Variants in CAPN6 observed in about 807,000 individuals in gnomAD.
CAPN6 encodes the protein calpain 6.
CAPN6 carries 16 observed loss-of-function variants against 46.0 expected under a neutral mutation model. The observed-to-expected ratio is 0.35, with a 90% CI of 0.24 to 0.53. CAPN6 has a LOEUF of 0.53. Ranked by LOEUF, CAPN6 falls within the 20% of genes least tolerant of loss-of-function variation. The pLI, the probability that CAPN6 is intolerant of heterozygous loss-of-function variation, is 0.94. For missense variants in CAPN6, 461 were observed against 498.0 expected (o/e 0.93, Z 0.71); for synonymous variants, 206 against 172.8 (o/e 1.19, Z -1.51).
chrX:111,247,577 G>A (rs931522145), intron 11 of CAPN6, 73 bp from the exon 12 acceptor site: 175 of 1,056,582 alleles, frequency 1.7e-4, no homozygotes, highest in Non-Finnish European at 1.2e-4. Flanking sequence ...AAGGTATCTC[G>A]CTAAGCCAAT....
chrX:111,248,456 G>A, intron 10 of CAPN6, 113 bp downstream of exon 10: 1 of 568,858 alleles, frequency 1.8e-6, no homozygotes. Context: ...AATCAAGTCT[G>A]ATTTAAACAA....
At chrX:111,249,400 T>C (rs915383037) in intron 8 of CAPN6, among the ~76,000 whole-genome samples, 2 of 110,837 alleles carry the variant, frequency 1.8e-5, no homozygotes, top group Non-Finnish European at 3.8e-5. Flanking sequence ...TTAAATGCCA[T>C]ATATAGAAAA....
At position 111,247,884 on chromosome X, in the gene CAPN6, C is replaced by A; in HGVS notation, c.1593G>T (p.Lys531Asn). The A allele has an allele frequency of 8.3e-7, 1 of 1,210,534 alleles. No individual in the cohort carries two copies. Among genetic ancestry groups the A allele is most frequent in the Non-Finnish European group, 1.1e-6 (1 of 894,836 alleles). ...TGCCATTCTTACTTTCATTGGCATACTTCTTCTCCAGGTCCTCAGCACTGT... is the reference window on the plus strand; with the variant it reads ...TGCCATTCTTACTTTCATTGGCATAATTCTTCTCCAGGTCCTCAGCACTGT... ...TVHSAEDLEK[K>N]YANETVNPYL... The change falls in exon 11 of 13, where the codon AAG (lysine) becomes AAT (asparagine). Residue 531 changes from lysine to asparagine, a missense_variant. Lys to Asn is a moderately conservative substitution (Grantham distance 94, BLOSUM62 0). Transcript: ENST00000324068.
At chrX:111,248,103 G>T (rs1186425780) in intron 10 of CAPN6, 111 bp from the exon 11 acceptor site, 1 of 731,732 alleles carries the variant, frequency 1.4e-6, no homozygotes. Context: ...GTGTGACTTA[G>T]CCCATTCCTC....
chrX:111,256,524 T>A (rs1297898884), intron 2 of CAPN6, among the ~76,000 whole-genome samples: 1 of 112,467 alleles, frequency 8.9e-6, no homozygotes, highest in African/African-American at 3.2e-5. Context: ...GCAAATTATT[T>A]GCTAATTTTA....
At chrX:111,247,742 G>T in intron 11 of CAPN6, 129 bp downstream of exon 11, 1 of 801,721 alleles carries the variant, frequency 1.2e-6, no homozygotes, top group Admixed American at 3.1e-5. Context: ...CTCTGCCATG[G>T]TTGCCATCCA....
At chrX:111,263,706 C>A in intron 2 of CAPN6, 66 bp downstream of exon 2, 1 of 975,957 alleles carries the variant, frequency 1.0e-6, no homozygotes, top group South Asian at 2.5e-5. Context: ...GTAAGTGAAA[C>A]AGTGGATCAC....
At chrX:111,267,045 A>G (rs1429144422) in intron 1 of CAPN6, among the ~76,000 whole-genome samples, 1 of 112,252 alleles carries the variant, frequency 8.9e-6, no homozygotes, top group Non-Finnish European at 1.9e-5. Context: ...CTCTGTTGGA[A>G]CGGATGAGTG....
At chrX:111,250,865 G>T in intron 8 of CAPN6, 52 bp downstream of exon 8, 1 of 1,081,585 alleles carries the variant, frequency 9.2e-7, no homozygotes, top group Non-Finnish European at 1.3e-6. Context: ...AGCAAGATCT[G>T]AGTTCCTATT....
At chrX:111,265,722 A>T (rs1049500328) in intron 1 of CAPN6, among the ~76,000 whole-genome samples, 30 of 111,677 alleles carry the variant, frequency 2.7e-4, no homozygotes, top group African/African-American at 9.5e-4. Flanking sequence ...TGGGGACTGT[A>T]AATGTGGAAA....
At chrX:111,246,909 G>C in intron 12 of CAPN6, 150 bp from the exon 13 acceptor site, 1 of 466,292 alleles carries the variant, frequency 2.1e-6, no homozygotes, top group Non-Finnish European at 3.5e-6. Context: ...CATCAGTTGA[G>C]GGGAGGATAC....
chrX:111,246,884 C>T, intron 12 of CAPN6, 125 bp from the exon 13 acceptor site: 1 of 543,660 alleles, frequency 1.8e-6, no homozygotes, highest in Non-Finnish European at 2.8e-6. Context: ...ACTATTCTGT[C>T]CTTTCCTGAT....
At position 111,253,056 on chromosome X, in the gene CAPN6, G is replaced by A; in HGVS notation, c.458C>T (p.Thr153Ile). The A allele has an allele frequency of 1.7e-6, 2 of 1,211,616 alleles. No individual in the cohort carries two copies. Among genetic ancestry groups the A allele is most frequent in the Non-Finnish European group, 2.2e-6 (2 of 895,135 alleles). ...INGDLVFSFS[T>I]SMNEFWNALL... is the part of the protein sequence containing the mutation. ...AGCATTCCAAAACTCATTCATGGAA[G>A]TGGAGAAAGAGAAGACCAGATCTCC... The change falls in exon 4 of 13, where the codon ACT becomes ATT. Residue 153 changes from threonine to isoleucine, a missense_variant. Thr to Ile is a moderately conservative substitution (Grantham distance 89). Transcript: ENST00000324068.
intron 12 of CAPN6, among the ~76,000 whole-genome samples, chrX:111,247,072 T>C (rs945075535): frequency 9.0e-6 from 1 of 111,535 alleles, no homozygotes; most frequent in Non-Finnish European, 1.9e-5. Flanking sequence ...GTGAGGGTCC[T>C]CTGAACTGGC....
intron 6 of CAPN6, 125 bp from the exon 7 acceptor site, chrX:111,251,411 C>T: frequency 1.1e-6 from 1 of 915,953 alleles, no homozygotes; most frequent in Non-Finnish European, 1.5e-6. Flanking sequence ...TCATCTGCGG[C>T]TGGGTCACAG....
chrX:111,267,379 A>T (rs1374050946), intron 1 of CAPN6, among the ~76,000 whole-genome samples: 1 of 111,426 alleles, frequency 9.0e-6, no homozygotes, highest in Non-Finnish European at 1.9e-5. Context: ...ACTTTGAGAA[A>T]GAATATGAGG....
At chrX:111,256,757 A>G (rs1048991599) in intron 2 of CAPN6, among the ~76,000 whole-genome samples, 2 of 110,831 alleles carry the variant, frequency 1.8e-5, no homozygotes, top group African/African-American at 6.5e-5. Flanking sequence ...ATTATTATAT[A>G]TTATATGTGT....
intron 2 of CAPN6, among the ~76,000 whole-genome samples, chrX:111,262,639 A>G (rs2094988769): frequency 3.6e-5 from 4 of 111,811 alleles, no homozygotes; most frequent in Non-Finnish European, 1.9e-5. Flanking sequence ...CATCACCTAC[A>G]TTGAGAAGGA....
chrX:111,260,975 T>C (rs2094987474), intron 2 of CAPN6, among the ~76,000 whole-genome samples: 1 of 112,765 alleles, frequency 8.9e-6, no homozygotes, highest in Non-Finnish European at 1.9e-5. Flanking sequence ...ATAGAGTAAG[T>C]GTTCAGTAAA....
Sources: gnomAD v4.1 joint callset for allele counts (sites outside exome capture counted in the v4.1 genomes callset) on GRCh38, gnomAD v4.1.1 for gene constraint, MANE v1.5 for transcripts, NCBI Gene and HGNC (gene_info 2026-07-23, HGNC 2026-07-21) for gene names.